SLC7A5: variants seen among roughly 807,000 people sequenced by gnomAD.
SLC7A5 encodes the protein solute carrier family 7 member 5, also known as large neutral amino acids transporter small subunit 1.
A neutral mutation model predicts 50.2 loss-of-function variants in SLC7A5; 23 were observed. The ratio of observed to expected loss-of-function variants is 0.46; its 90% CI spans 0.33 to 0.65. SLC7A5 has a LOEUF of 0.65. Ranked by LOEUF, SLC7A5 falls within the 30% of genes least tolerant of loss-of-function variation. SLC7A5 has a pLI of 0.02. For synonymous variants in SLC7A5, 393 were observed against 330.6 expected (o/e 1.19, Z -2.05); for missense variants, 578 against 684.4 (o/e 0.84, Z 1.73).
Position 87,864,067 on chromosome 16 carries a change from G to A in SLC7A5, c.538+4818C>T, listed in dbSNP as rs1164636664. Among the ~76,000 whole-genome samples the A allele has an allele frequency of 5.6e-5, 8 of 143,606 alleles. No homozygotes were observed. The East Asian group carries it at 8.1e-4, about 15-fold the overall frequency. The allele number at this position is 143,606 out of a possible 152,430, so 94.2% of individuals were successfully genotyped here. ...AGCACTTTGGGAGGCCGAGGTGGGC[G>A]GATCACCTGAGGTCAGGAGTTCGAG... On this transcript the variant is annotated intron_variant, in intron 1 of 9. Transcript: ENST00000261622.
In SLC7A5 at chr16:87,861,296, G is replaced by C. The variant is rs1225784109; in HGVS notation, c.538+7589C>G. Among the ~76,000 whole-genome samples, 5 of 152,126 alleles carry C rather than the reference G, an allele frequency of 3.3e-5. No homozygotes were observed. The highest frequency in any genetic ancestry group is 7.4e-5 in the Non-Finnish European group (5 of 67,992). ...GCGCAAAGGGCCCCTAGGGGATGCT[G>C]GGGAACACAGATGAGCCTCTGACCC... On this transcript the variant is annotated intron_variant, in intron 1 of 9. Transcript: ENST00000261622. This position sits in a 1 kb window ranked among gnomAD's most constrained non-coding sequence, Gnocchi z 4.2.
At chr16:87,859,168 C>T (rs2055357017) in intron 1 of SLC7A5, among the ~76,000 whole-genome samples, 3 of 152,226 alleles carry the variant, frequency 2.0e-5, no homozygotes, top group South Asian at 4.1e-4. Flanking sequence ...AGAAGTCAAG[C>T]GCCTGGCTCC....
In SLC7A5 at chr16:87,841,201, A is replaced by G. The variant is rs2055079508; in HGVS notation, c.665-46T>C. The stretch of plus-strand genomic sequence containing the variant: ...AATGCTGGGTTAGAGAGCGCTGAAC[A>G]GAGGTCATGCTACCAGTTCTAGAAT... On this transcript the variant is annotated intron_variant, in intron 2 of 9. Coordinates refer to ENST00000261622, the MANE Select transcript of SLC7A5 (RefSeq NM_003486.7). The surrounding 1 kb of genome is among the most constrained non-coding windows in gnomAD (Gnocchi z 4.8). The G allele has an allele frequency of 7.9e-7, 1 of 1,258,478 alleles. No individual in the cohort carries two copies. Among genetic ancestry groups the G allele is most frequent in the Admixed American group, 1.7e-5 (1 of 59,438 alleles). 78.0% of individuals were successfully genotyped at this position (1,258,478 alleles called of 1,614,324 possible).
At chr16:87,846,021 A>G (rs1318292139) in intron 2 of SLC7A5, among the ~76,000 whole-genome samples, 1 of 152,212 alleles carries the variant, frequency 6.6e-6, no homozygotes, top group Non-Finnish European at 1.5e-5. Context: ...GAGCTCCCAG[A>G]GCAAGCGGCG....
At chr16:87,843,668 T>G (rs1306830729) in intron 2 of SLC7A5, among the ~76,000 whole-genome samples, 1 of 152,142 alleles carries the variant, frequency 6.6e-6, no homozygotes, top group African/African-American at 2.4e-5. Flanking sequence ...GCGGGCATTC[T>G]GCACACCGGG....
At chr16:87,839,404 C>A in intron 5 of SLC7A5, among the ~76,000 whole-genome samples, 1 of 152,246 alleles carries the variant, frequency 6.6e-6, no homozygotes, top group Non-Finnish European at 1.5e-5. Flanking sequence ...CTGCCCTGGA[C>A]TCCCCAGGCA....
rs371881159 is a variant in SLC7A5, at chr16:87,832,930, C to A, written c.*40G>T. On this transcript the variant is annotated 3_prime_UTR_variant, in exon 10 of 10. Transcript: ENST00000261622. The surrounding 1 kb of genome is among the most constrained non-coding windows in gnomAD (Gnocchi z 4.6). ...CGAGGAGGTGATCTACTTTAACTGG[C>A]CTCTGCGCATGCTCCTCCGGCAGCC... 4.0e-5 allele frequency: 63 copies of A among 1,558,850 alleles called. No individual in the cohort carries two copies. The highest frequency in any genetic ancestry group is 5.4e-5 in the Non-Finnish European group (61 of 1,130,216).
chr16:87,847,184 G>A (rs567539020), intron 2 of SLC7A5, among the ~76,000 whole-genome samples: 71 of 152,276 alleles, frequency 4.7e-4, no homozygotes, highest in African/African-American at 1.5e-3. Flanking sequence ...AGCCCAGGGG[G>A]GCTTCTCAGT....
intron 2 of SLC7A5, among the ~76,000 whole-genome samples, chr16:87,850,192 G>A (rs554157958): frequency 1.3e-5 from 2 of 152,216 alleles, no homozygotes; most frequent in African/African-American, 4.8e-5. Flanking sequence ...CTAAAGCTGC[G>A]TGCTGGGTGC....
At chr16:87,859,756 T>C (rs538655007) in intron 1 of SLC7A5, among the ~76,000 whole-genome samples, 1 of 151,786 alleles carries the variant, frequency 6.6e-6, no homozygotes, top group African/African-American at 2.4e-5. Context: ...CCGACCAACA[T>C]GGAGAAACCC....
chr16:87,834,197 G>A (rs896337544), intron 9 of SLC7A5, among the ~76,000 whole-genome samples: 3 of 152,184 alleles, frequency 2.0e-5, no homozygotes, highest in Admixed American at 6.5e-5. Context: ...CTGGTTTTCC[G>A]GAATCCCTCG....
intron 2 of SLC7A5, among the ~76,000 whole-genome samples, chr16:87,843,704 G>A (rs973229104): frequency 6.6e-6 from 1 of 152,156 alleles, no homozygotes; most frequent in African/African-American, 2.4e-5. Flanking sequence ...CGACGGCGGG[G>A]TGCGGCGCTA....
rs535909341 is a variant in SLC7A5 at position 87,861,066 on chromosome 16, G to A, written c.538+7819C>T. ...GCAGCGGGAAGAGGGTGCTGCCACA[G>A]GGCCTCTGGGGAGCGTGCGGGCACA... is the stretch of plus-strand genomic sequence containing the variant. On this transcript the variant is annotated intron_variant, in intron 1 of 9. Coordinates refer to ENST00000261622, the MANE Select transcript of SLC7A5 (RefSeq NM_003486.7). The surrounding 1 kb of genome is among the most constrained non-coding windows in gnomAD (Gnocchi z 4.2). Among the ~76,000 whole-genome samples the A allele has an allele frequency of 6.6e-6, 1 of 152,346 alleles. No individual in the cohort carries two copies. Among genetic ancestry groups the A allele is most frequent in the African/African-American group, 2.4e-5 (1 of 41,584 alleles).
At position 87,863,988 on chromosome 16, in the gene SLC7A5, T is replaced by A. The variant is rs868268137; in HGVS notation, c.538+4897A>T. The stretch of plus-strand genomic sequence containing the variant: ...AACCTTATGTGTGATCATTTAAAAA[T>A]ATATATATATATATATATATCAGCC... On this transcript the variant is annotated intron_variant, in intron 1 of 9. Transcript: ENST00000261622. Among the ~76,000 whole-genome samples the A allele has an allele frequency of 1.9e-3, 233 of 120,438 alleles. 2 individuals are homozygous for A. Among genetic ancestry groups the A allele is most frequent in the African/African-American group, 6.4e-3 (209 of 32,544 alleles). The allele number at this position is 120,438 out of a possible 152,430, so 79.0% of individuals were successfully genotyped here. A position where few individuals can be genotyped will look rare whatever the true frequency, so the allele number is the denominator to read the frequency against.
chr16:87,837,804 C>A (rs1270768400), intron 7 of SLC7A5, 41 bp downstream of exon 7: 8 of 1,527,444 alleles, frequency 5.2e-6, no homozygotes, highest in East Asian at 2.3e-5. Flanking sequence ...CCCCGGACAA[C>A]CCCCAGGGAT....
chr16:87,850,981 A>G (rs1240692231), intron 2 of SLC7A5, among the ~76,000 whole-genome samples: 2 of 152,116 alleles, frequency 1.3e-5, no homozygotes, highest in Non-Finnish European at 2.9e-5. Context: ...GCTGTTTCAC[A>G]CTCACTCTCT....
In SLC7A5 at chr16:87,833,015, G is replaced by T; in HGVS notation, c.1479C>A (p.Thr493=). 1 of 1,613,760 alleles carries T rather than the reference G, an allele frequency of 6.2e-7. No individual in the cohort carries two copies. The highest frequency in any genetic ancestry group is 8.5e-7 in the Non-Finnish European group (1 of 1,179,796). ...KWLLQGIFST[T]VLCQKLMQVV... is the part of the protein sequence containing the mutation. ...CCTGCATGAGCTTCTGACACAGGAC[G>T]GTCGTGGAGACTGTCAGGAGAGAAG... The change falls in exon 10 of 10, where the codon ACC becomes ACA. Residue 493 remains threonine (T), a synonymous_variant. Coordinates refer to ENST00000261622, the MANE Select transcript of SLC7A5 (RefSeq NM_003486.7). This position sits in a 1 kb window ranked among gnomAD's most constrained non-coding sequence, Gnocchi z 6.0.
Position 87,851,827 on chromosome 16 carries a change from G to A in SLC7A5, c.561C>T (p.Cys187=), listed in dbSNP as rs2055228273. 1 of 1,613,110 alleles carries A rather than the reference G, an allele frequency of 6.2e-7. No individual in the cohort carries two copies. Among genetic ancestry groups the A allele is most frequent in the Middle Eastern group, 1.7e-4 (1 of 6,020 alleles). Residue 187 remains cysteine, a synonymous_variant, in exon 2 of 10, where the codon TGC becomes TGT. Transcript: ENST00000261622. ...LCVLLLTAVN[C]YSVKAATRVQ... is the part of the protein sequence containing the mutation. ...CCCGGGTGGCGGCCTTCACGCTGTAGCAGTTCACGGCCGTGAGCAGCACTG... is the reference window on the plus strand; with the variant it reads ...CCCGGGTGGCGGCCTTCACGCTGTAACAGTTCACGGCCGTGAGCAGCACTG...
intron 1 of SLC7A5, among the ~76,000 whole-genome samples, chr16:87,858,118 G>A (rs189031636): frequency 2.0e-5 from 3 of 152,252 alleles, no homozygotes; most frequent in South Asian, 2.1e-4. Flanking sequence ...AAGGGCCACC[G>A]CTCCCTCTGA....
Sources: allele counts gnomAD v4.1 joint callset (sites outside exome capture counted in the v4.1 genomes callset), GRCh38; gene constraint gnomAD v4.1.1; non-coding constraint Gnocchi (gnomAD v3.1); transcripts MANE v1.5; gene names NCBI Gene and HGNC (gene_info 2026-07-23, HGNC 2026-07-21).